The following AIG1 variants were observed in gnomAD, a reference collection of about 807,000 sequenced individuals.
AIG1 encodes the protein androgen-induced gene 1 protein.
Under a neutral mutation model 31.4 loss-of-function variants are expected in AIG1, and 23 were observed. The ratio of observed to expected loss-of-function variants is 0.73; its 90% confidence interval spans 0.53 to 1.04. The LOEUF (loss-of-function observed/expected upper bound fraction) is 1.04. Among genes scored for constraint, AIG1 ranks in the 50% least tolerant of loss-of-function variants. The probability of loss-of-function intolerance (pLI) is 0.00; values close to 1 mark genes in which losing one functional copy is unlikely to be tolerated. For synonymous variants in AIG1, 100 were observed against 110.5 expected, an observed-to-expected ratio of 0.90 and a Z score of 0.60; for missense variants, 274 against 295.0, an observed-to-expected ratio of 0.93 and a Z score of 0.52.
chr6:143,243,149 A>G (rs959322746), intron 3 of AIG1, among the ~76,000 whole-genome samples: 2 of 152,204 alleles, frequency 1.3e-5, no homozygotes, highest in African/African-American at 2.4e-5. Flanking sequence ...TTAGAAAAAA[A>G]TCCTTGGTCC....
chr6:143,066,295 G>A (rs1428035810), intron 1 of AIG1, among the ~76,000 whole-genome samples: 1 of 134,362 alleles, frequency 7.4e-6, no homozygotes, highest in African/African-American at 3.0e-5. Context: ...TTTTTTTTTT[G>A]AGACAGAGTT....
intron 1 of AIG1, chr6:143,061,649 T>G (rs757199245): frequency 3.2e-5 from 8 of 252,532 alleles, no homozygotes; most frequent in Non-Finnish European, 6.5e-5. Flanking sequence ...ACCCCGTACA[T>G]ATTAGGAGAC....
chr6:143,176,442 G>A (rs1214982285), intron 3 of AIG1, among the ~76,000 whole-genome samples: 1 of 152,186 alleles, frequency 6.6e-6, no homozygotes, highest in African/African-American at 2.4e-5. Flanking sequence ...GGGCTTCCAG[G>A]ACGGGTAGAG....
chr6:143,324,888 C>T (rs944989307), intron 4 of AIG1, among the ~76,000 whole-genome samples: 10 of 152,292 alleles, frequency 6.6e-5, no homozygotes, highest in South Asian at 4.1e-4. Context: ...GACCTCACTG[C>T]GCCCTCAAGG....
chr6:143,092,826 G>A (rs1779421420), intron 1 of AIG1, among the ~76,000 whole-genome samples: 1 of 152,118 alleles, frequency 6.6e-6, no homozygotes, highest in Non-Finnish European at 1.5e-5. Context: ...GAGGCGGGAG[G>A]ATTGCTTGAG....
intron 2 of AIG1, 139 bp from the exon 3 acceptor site, chr6:143,164,943 A>C: frequency 3.2e-6 from 2 of 627,560 alleles, no homozygotes; most frequent in East Asian, 5.6e-5. Flanking sequence ...CTGTGTTTCC[A>C]ATCATTAGCT....
intron 3 of AIG1, among the ~76,000 whole-genome samples, chr6:143,174,012 G>C (rs769507106): frequency 1.8e-4 from 27 of 152,210 alleles, no homozygotes; most frequent in Middle Eastern, 3.4e-3. Flanking sequence ...TTATTGTGTT[G>C]TTGTCTATCT....
intron 3 of AIG1, among the ~76,000 whole-genome samples, chr6:143,220,720 A>G (rs1159564093): frequency 6.6e-6 from 1 of 152,234 alleles, no homozygotes; most frequent in African/African-American, 2.4e-5. Flanking sequence ...TGTGATACCA[A>G]TAACTGCTTA....
chr6:143,148,189 G>A (rs562065158), intron 2 of AIG1, among the ~76,000 whole-genome samples: 187 of 152,016 alleles, frequency 1.2e-3, no homozygotes, highest in African/African-American at 4.3e-3. Flanking sequence ...ATACAGCAGT[G>A]GTCCCATAAG....
At chr6:143,076,818 C>T (rs1341063163) in intron 1 of AIG1, among the ~76,000 whole-genome samples, 1 of 151,792 alleles carries the variant, frequency 6.6e-6, no homozygotes, top group South Asian at 2.1e-4. Context: ...ACTGCAGGCA[C>T]CTACCACCAC....
At chr6:143,252,011 T>C (rs1413847252) in intron 3 of AIG1, among the ~76,000 whole-genome samples, 3 of 152,214 alleles carry the variant, frequency 2.0e-5, no homozygotes, top group Non-Finnish European at 4.4e-5. Flanking sequence ...CGCGTATCAC[T>C]TATTTGTCTC....
At position 143,062,787 on chromosome 6, in the gene AIG1, T is replaced by C. The variant is rs549061173; in HGVS notation, c.141+1721T>C. On this transcript the variant is annotated intron_variant, in intron 1 of 5. Transcript: ENST00000357847. The stretch of plus-strand genomic sequence containing the variant: ...GAGATGTTATTTAAAAATATGTGCA[T>C]AGATTTTCAGAATTCTTTGAGGGGC... 4.6e-5 allele frequency among the ~76,000 whole-genome samples: 7 copies of C among 152,342 alleles called. 1 individual carries two copies. The South Asian group carries it at 1.4e-3, about 32-fold the overall frequency.
At chr6:143,269,007 G>T (rs1348337589) in intron 3 of AIG1, among the ~76,000 whole-genome samples, 1 of 152,214 alleles carries the variant, frequency 6.6e-6, no homozygotes, top group Admixed American at 6.5e-5. Context: ...ACTCTGAAGG[G>T]CAGGGCCTTC....
chr6:143,214,043 A>G (rs1318657047), intron 3 of AIG1, among the ~76,000 whole-genome samples: 1 of 152,200 alleles, frequency 6.6e-6, no homozygotes, highest in Non-Finnish European at 1.5e-5. Context: ...ACAAAAGTAT[A>G]ATAAAACATA....
intron 3 of AIG1, among the ~76,000 whole-genome samples, chr6:143,267,676 T>G (rs143326926): frequency 1.3e-5 from 2 of 152,188 alleles, no homozygotes; most frequent in Admixed American, 6.5e-5. Flanking sequence ...CATAGACTTA[T>G]GACTATCAAA....
chr6:143,176,319 C>T (rs1029667110), intron 3 of AIG1, among the ~76,000 whole-genome samples: 2 of 152,032 alleles, frequency 1.3e-5, no homozygotes, highest in African/African-American at 2.4e-5. Flanking sequence ...GCATCAGCTG[C>T]GGGAGTATAG....
chr6:143,271,398 A>G (rs1562543670), intron 3 of AIG1, among the ~76,000 whole-genome samples: 2 of 152,262 alleles, frequency 1.3e-5, no homozygotes, highest in South Asian at 4.1e-4. Flanking sequence ...ACGGGTTCTC[A>G]TAAGTCAAAT....
intron 4 of AIG1, among the ~76,000 whole-genome samples, chr6:143,319,617 A>G (rs1011963302): frequency 1.3e-5 from 2 of 152,186 alleles, no homozygotes; most frequent in African/African-American, 4.8e-5. Context: ...CTCAAAAACT[A>G]TTGAAATGAA....
intron 1 of AIG1, among the ~76,000 whole-genome samples, chr6:143,118,377 T>G (rs1200362668): frequency 1.3e-5 from 2 of 151,688 alleles, no homozygotes; most frequent in Non-Finnish European, 2.9e-5. Context: ...GGGTATTGCT[T>G]GAACCCAGGA....
Sources: allele counts gnomAD v4.1 joint callset (sites outside exome capture counted in the v4.1 genomes callset), GRCh38; gene constraint gnomAD v4.1.1; transcripts MANE v1.5; gene names NCBI Gene and HGNC (gene_info 2026-07-23, HGNC 2026-07-21).